Variants in KIAA0825 observed in about 807,000 individuals in gnomAD.
KIAA0825 encodes the protein KIAA0825, also known as uncharacterized protein KIAA0825.
Under a neutral mutation model 147.6 loss-of-function variants are expected in KIAA0825, and 119 were observed. That is an observed-to-expected ratio of 0.81 (90% CI 0.69 to 0.94). The LOEUF is 0.94. KIAA0825 is among the 40% of genes least tolerant of loss of function. The pLI, the probability that KIAA0825 is intolerant of heterozygous loss-of-function variation, is 0.00. For synonymous variants in KIAA0825, 470 were observed against 518.1 expected (o/e 0.91, Z 1.26); for missense variants, 1,381 against 1,472.7 (o/e 0.94, Z 1.02).
intron 20 of KIAA0825, among the ~76,000 whole-genome samples, chr5:94,376,882 T>C (rs1044875070): frequency 1.3e-5 from 2 of 152,196 alleles, no homozygotes; most frequent in African/African-American, 4.8e-5. Context: ...CACTTCTCCA[T>C]AACCAGGCCG....
intron 20 of KIAA0825, among the ~76,000 whole-genome samples, chr5:94,375,662 G>A (rs1006692064): frequency 6.6e-6 from 1 of 152,186 alleles, no homozygotes; most frequent in African/African-American, 2.4e-5. Flanking sequence ...CAAAATTGAG[G>A]TTTAGGAAGG....
At chr5:94,595,194 T>C (rs1785060812) in intron 1 of KIAA0825, among the ~76,000 whole-genome samples, 1 of 152,236 alleles carries the variant, frequency 6.6e-6, no homozygotes, top group African/African-American at 2.4e-5. Context: ...ATTTCCCTTC[T>C]GCACTGCCCT....
chr5:94,579,298 C>T (rs528604663), intron 2 of KIAA0825, among the ~76,000 whole-genome samples: 83 of 152,180 alleles, frequency 5.5e-4, no homozygotes, highest in African/African-American at 1.8e-3. Context: ...CTACTACATC[C>T]GTAAACGAGT....
At chr5:94,237,039 C>T (rs990804128) in intron 20 of KIAA0825, among the ~76,000 whole-genome samples, 2 of 136,606 alleles carry the variant, frequency 1.5e-5, no homozygotes, top group African/African-American at 5.7e-5. Flanking sequence ...CCTAAATAGG[C>T]TATATGTGTG....
intron 14 of KIAA0825, among the ~76,000 whole-genome samples, chr5:94,420,240 A>T (rs76199020): frequency 0.1 from 15,306 of 152,036 alleles, 1,090 homozygotes; most frequent in African/African-American, 0.21. Flanking sequence ...CATGCAACGG[A>T]AATGCACATG....
intron 9 of KIAA0825, among the ~76,000 whole-genome samples, chr5:94,470,624 T>C (rs1761102507): frequency 6.6e-6 from 1 of 152,218 alleles, no homozygotes; most frequent in African/African-American, 2.4e-5. Flanking sequence ...CTGGCACATT[T>C]TGTTTATAAA....
At chr5:94,518,444 C>A (rs1562583312) in intron 5 of KIAA0825, among the ~76,000 whole-genome samples, 1 of 152,086 alleles carries the variant, frequency 6.6e-6, no homozygotes, top group Admixed American at 6.6e-5. Flanking sequence ...TTTGAAATTT[C>A]TTTTATAGGT....
intron 20 of KIAA0825, among the ~76,000 whole-genome samples, chr5:94,348,345 A>T (rs187997216): frequency 6.6e-6 from 1 of 152,350 alleles, no homozygotes; most frequent in African/African-American, 2.4e-5. Flanking sequence ...CACTGTCATC[A>T]GGTTATCCAA....
At chr5:94,423,192 G>C (rs913804283) in intron 14 of KIAA0825, among the ~76,000 whole-genome samples, 1 of 152,100 alleles carries the variant, frequency 6.6e-6, no homozygotes, top group African/African-American at 2.4e-5. Context: ...GGGGTTGGAG[G>C]GATGAAGGGA....
intron 20 of KIAA0825, among the ~76,000 whole-genome samples, chr5:94,275,844 T>C (rs1777203142): frequency 6.6e-6 from 1 of 152,106 alleles, no homozygotes; most frequent in East Asian, 1.9e-4. Context: ...CCTCAGTCTT[T>C]CAGCGTAAAA....
intron 2 of KIAA0825, among the ~76,000 whole-genome samples, chr5:94,560,086 C>T (rs943531172): frequency 6.6e-6 from 1 of 152,130 alleles, no homozygotes; most frequent in African/African-American, 2.4e-5. Flanking sequence ...ATCAACATAA[C>T]AAGACCACCT....
chr5:94,460,878 G>T (rs1759732355), intron 12 of KIAA0825, among the ~76,000 whole-genome samples: 1 of 151,982 alleles, frequency 6.6e-6, no homozygotes, highest in Non-Finnish European at 1.5e-5. Flanking sequence ...TTTCTGAACT[G>T]AGAAATATTT....
intron 20 of KIAA0825, among the ~76,000 whole-genome samples, chr5:94,277,814 T>A (rs1035861293): frequency 1.4e-4 from 21 of 152,274 alleles, no homozygotes; most frequent in African/African-American, 4.6e-4. Context: ...CACATGCACA[T>A]GGATGTTTAT....
intron 16 of KIAA0825, among the ~76,000 whole-genome samples, chr5:94,401,575 T>C (rs1488118637): frequency 1.3e-5 from 2 of 152,114 alleles, no homozygotes; most frequent in Non-Finnish European, 2.9e-5. Context: ...GCACCCCTGC[T>C]CTTCCCTCAA....
intron 20 of KIAA0825, among the ~76,000 whole-genome samples, chr5:94,222,203 A>G (rs904026619): frequency 7.2e-5 from 11 of 152,204 alleles, no homozygotes; most frequent in African/African-American, 2.7e-4. Flanking sequence ...CTAATCAGAT[A>G]AAAGAATCCA....
intron 1 of KIAA0825, among the ~76,000 whole-genome samples, chr5:94,589,841 TA>T (rs55935861): frequency 1.8e-3 from 261 of 141,680 alleles, no homozygotes; most frequent in East Asian, 3.3e-3. Context: ...TGTCTCACTT[TA>T]AAAAAAAAAA....
intron 5 of KIAA0825, among the ~76,000 whole-genome samples, chr5:94,486,800 G>A (rs1251927191): frequency 6.6e-6 from 1 of 152,130 alleles, no homozygotes; most frequent in African/African-American, 2.4e-5. Context: ...CTTATCTTAA[G>A]CTTTGCTTAT....
In KIAA0825 at chr5:94,526,746, A is replaced by T. The variant is rs754029398; in HGVS notation, c.132-2648T>A. ...GATAAACATTAGCTGAATGTTAAAT[A>T]TGTGGTAGGCATTGTGATATATACT... On this transcript the variant is annotated intron_variant, in intron 3 of 20. Coordinates refer to ENST00000682413, the MANE Select transcript of KIAA0825 (RefSeq NM_001145678.3). Among the ~76,000 whole-genome samples, 11 of 152,028 alleles carry T rather than the reference A, an allele frequency of 7.2e-5. No individual in the cohort carries two copies. The South Asian group carries it at 1.0e-3, about 14-fold the overall frequency.
chr5:94,182,932 G>C (rs540336838), intron 20 of KIAA0825, among the ~76,000 whole-genome samples: 1 of 152,182 alleles, frequency 6.6e-6, no homozygotes, highest in Non-Finnish European at 1.5e-5. Context: ...GTAGGGAACA[G>C]GTTCTTAGTA....
Sources: allele counts gnomAD v4.1 joint callset (sites outside exome capture counted in the v4.1 genomes callset), GRCh38; gene constraint gnomAD v4.1.1; transcripts MANE v1.5; gene names NCBI Gene and HGNC (gene_info 2026-07-23, HGNC 2026-07-21).